Variants in RABGAP1L observed in about 807,000 individuals in gnomAD.
RABGAP1L encodes rab GTPase-activating protein 1-like.
In RABGAP1L, 63 loss-of-function variants were observed where a neutral mutation model predicts 137.7. That is an observed-to-expected ratio of 0.46 (90% CI 0.37 to 0.56). The LOEUF (loss-of-function observed/expected upper bound fraction) is 0.56. Among genes scored for constraint, RABGAP1L ranks in the 20% least tolerant of loss-of-function variants. RABGAP1L has a pLI of 0.00. For missense variants in RABGAP1L, 1,095 were observed against 1,244.0 expected (o/e 0.88, Z 1.80); for synonymous variants, 431 against 433.7 (o/e 0.99, Z 0.08).
chr1:174,859,722 A>G (rs1257860243), intron 19 of RABGAP1L, among the ~76,000 whole-genome samples: 2 of 152,136 alleles, frequency 1.3e-5, no homozygotes, highest in East Asian at 1.9e-4. Flanking sequence ...GGATCAGGAA[A>G]AATAACTAAT....
chr1:174,491,268 G>T (rs1660202081), intron 13 of RABGAP1L, among the ~76,000 whole-genome samples: 1 of 151,964 alleles, frequency 6.6e-6, no homozygotes, highest in Non-Finnish European at 1.5e-5. Context: ...GGGCCAAAGG[G>T]TTCTTTAGTC....
At chr1:174,787,761 T>C (rs939485286) in intron 18 of RABGAP1L, among the ~76,000 whole-genome samples, 3 of 152,190 alleles carry the variant, frequency 2.0e-5, no homozygotes, top group African/African-American at 7.2e-5. Context: ...GTACTGGTAA[T>C]ACATATGGAG....
intron 11 of RABGAP1L, among the ~76,000 whole-genome samples, chr1:174,353,658 T>C (rs1683380228): frequency 6.6e-6 from 1 of 152,224 alleles, no homozygotes; most frequent in African/African-American, 2.4e-5. Context: ...TGGCATGGGC[T>C]GAATTTTGTC....
In RABGAP1L at chr1:174,424,943, A is replaced by C. The variant is rs374537812; in HGVS notation, c.1710+30798A>C. On this transcript the variant is annotated intron_variant, in intron 13 of 25. Transcript: ENST00000681986. ...GATTATCTTTAAGCATTTAGAACAGAATGGGTTAAACTGTCATTATTGGTC... is the reference window on the plus strand; with the variant it reads ...GATTATCTTTAAGCATTTAGAACAGCATGGGTTAAACTGTCATTATTGGTC... Among the ~76,000 whole-genome samples, 5 of 152,204 alleles carry C rather than the reference A, an allele frequency of 3.3e-5. No homozygotes were observed. In the East Asian group the frequency reaches 9.6e-4, roughly 29 times the overall value.
intron 10 of RABGAP1L, 54 bp from the exon 11 acceptor site, chr1:174,304,932 T>G (rs958528973): frequency 1.1e-5 from 16 of 1,414,372 alleles, no homozygotes; most frequent in Non-Finnish European, 1.5e-5. Flanking sequence ...ATACTATCTT[T>G]CAATGTTTCC....
chr1:174,360,566 A>G (rs769076648), intron 11 of RABGAP1L, among the ~76,000 whole-genome samples: 1 of 152,218 alleles, frequency 6.6e-6, no homozygotes, highest in Non-Finnish European at 1.5e-5. Context: ...TTTTAACATT[A>G]TAGTAAACTA....
intron 11 of RABGAP1L, among the ~76,000 whole-genome samples, chr1:174,357,420 C>A (rs1683730203): frequency 6.6e-6 from 1 of 152,094 alleles, no homozygotes; most frequent in African/African-American, 2.4e-5. Flanking sequence ...TAAAAAAATT[C>A]TTTTATTTAT....
At chr1:174,730,230 C>CT (rs1356678686) in intron 17 of RABGAP1L, among the ~76,000 whole-genome samples, 2 of 152,116 alleles carry the variant, frequency 1.3e-5, no homozygotes, top group African/African-American at 2.4e-5. Flanking sequence ...CATATTTGCA[C>CT]TTGTAAGTGG....
At chr1:174,344,432 T>G (rs1682261825) in intron 11 of RABGAP1L, among the ~76,000 whole-genome samples, 2 of 152,186 alleles carry the variant, frequency 1.3e-5, no homozygotes, top group Non-Finnish European at 2.9e-5. Context: ...AGGGACCTTG[T>G]GTCTAGGAGT....
chr1:174,231,402 G>A (rs1413387555), intron 4 of RABGAP1L, 47 bp downstream of exon 4: 3 of 1,543,594 alleles, frequency 1.9e-6, no homozygotes, highest in African/African-American at 2.7e-5. Context: ...AGTCTTTTGG[G>A]TGGTGGTGAA....
chr1:174,442,579 CAG>C (rs1358690685), intron 13 of RABGAP1L, among the ~76,000 whole-genome samples: 9 of 152,060 alleles, frequency 5.9e-5, no homozygotes, highest in African/African-American at 2.2e-4. Context: ...ATTTTAGAAT[CAG>C]GGAGTAGAAA....
At chr1:174,613,458 A>T (rs979282331) in intron 13 of RABGAP1L, among the ~76,000 whole-genome samples, 1 of 152,062 alleles carries the variant, frequency 6.6e-6, no homozygotes, top group Non-Finnish European at 1.5e-5. Context: ...ACATTTGCTG[A>T]GGAGAGCTTT....
At chr1:174,265,663 T>A (rs1486268586) in intron 7 of RABGAP1L, among the ~76,000 whole-genome samples, 2 of 152,074 alleles carry the variant, frequency 1.3e-5, no homozygotes, top group African/African-American at 4.8e-5. Context: ...AAGGATGGTA[T>A]GGAGGGTTTT....
At chr1:174,821,824 A>G (rs911527430) in intron 19 of RABGAP1L, among the ~76,000 whole-genome samples, 58 of 152,220 alleles carry the variant, frequency 3.8e-4, no homozygotes, top group Admixed American at 3.6e-3. Context: ...GAAAAGATTC[A>G]CTTTTGATTA....
intron 13 of RABGAP1L, among the ~76,000 whole-genome samples, chr1:174,479,337 T>C (rs1196675801): frequency 6.6e-6 from 1 of 152,196 alleles, no homozygotes; most frequent in Non-Finnish European, 1.5e-5. Context: ...TCTCAAACTT[T>C]AGCATGCATG....
intron 14 of RABGAP1L, among the ~76,000 whole-genome samples, chr1:174,673,073 T>C (rs915104124): frequency 6.6e-6 from 1 of 152,128 alleles, no homozygotes; most frequent in African/African-American, 2.4e-5. Flanking sequence ...CATACACACA[T>C]AAGAGTGTAT....
chr1:174,397,435 A>G (rs1648004867), intron 13 of RABGAP1L, among the ~76,000 whole-genome samples: 1 of 152,032 alleles, frequency 6.6e-6, no homozygotes. Flanking sequence ...GTGGTTTCCT[A>G]TCCTGAGTGG....
intron 14 of RABGAP1L, among the ~76,000 whole-genome samples, chr1:174,653,051 G>T (rs1675667278): frequency 6.6e-6 from 1 of 152,166 alleles, no homozygotes; most frequent in African/African-American, 2.4e-5. Context: ...CTGAGCTGGG[G>T]TGGGCTCTGC....
intron 1 of RABGAP1L, among the ~76,000 whole-genome samples, chr1:174,174,195 T>TACACACACACACACACACACACACAC (rs56864336): frequency 6.9e-6 from 1 of 145,566 alleles, no homozygotes; most frequent in Admixed American, 6.9e-5. Flanking sequence ...GGAAAAAAAA[T>TACACACACACACACACACACACACAC]ACACACACAC....
Sources: allele counts gnomAD v4.1 joint callset (sites outside exome capture counted in the v4.1 genomes callset), GRCh38; gene constraint gnomAD v4.1.1; transcripts MANE v1.5; gene names NCBI Gene and HGNC (gene_info 2026-07-23, HGNC 2026-07-21).